CDH23: variants seen among roughly 807,000 people sequenced by gnomAD.
CDH23 encodes cadherin related 23, also known as cadherin-23.
A neutral mutation model predicts 317.1 loss-of-function variants in CDH23; 189 were observed. That is an observed-to-expected ratio of 0.60 (90% CI 0.53 to 0.67). The LOEUF (loss-of-function observed/expected upper bound fraction) is 0.67. Among genes scored for constraint, CDH23 ranks in the 30% least tolerant of loss-of-function variants. The pLI is 0.00. For synonymous variants in CDH23, 1,839 were observed against 1,876.8 expected (o/e 0.98, Z 0.52); for missense variants, 4,401 against 4,592.4 (o/e 0.96, Z 1.20).
At position 71,773,463 on chromosome 10, in the gene CDH23, A is replaced by T. The variant is rs190144328; in HGVS notation, c.4846-4217A>T. On this transcript the variant is annotated intron_variant, in intron 38 of 69. Coordinates refer to ENST00000224721, the MANE Select transcript of CDH23 (RefSeq NM_022124.6). The stretch of plus-strand genomic sequence containing the variant: ...ATGTCGCCGTCGGACGCGCAGAGGA[A>T]CTTCTGGTGCCGGGGAGCGGGCGGG... 410 of 1,574,470 alleles carry T rather than the reference A, an allele frequency of 2.6e-4. 3 individuals are homozygous for T. The South Asian group carries it at 4.5e-3, about 17-fold the overall frequency.
At chr10:71,637,225 G>A (rs527524279) in intron 11 of CDH23, among the ~76,000 whole-genome samples, 53 of 152,248 alleles carry the variant, frequency 3.5e-4, no homozygotes, top group Non-Finnish European at 6.3e-4. Context: ...AAGTACAGCC[G>A]AGGAAGGAGG....
chr10:71,599,671 G>T (rs1860090961), intron 9 of CDH23, among the ~76,000 whole-genome samples: 1 of 152,126 alleles, frequency 6.6e-6, no homozygotes, highest in African/African-American at 2.4e-5. Context: ...TTTTATGTGT[G>T]GTCCCCAAAG....
Position 71,806,168 on chromosome 10 carries a change from C to G in CDH23, c.8065C>G (p.Leu2689Val). 6.4e-7 allele frequency: 1 copy of G among 1,560,516 alleles called. No homozygotes were observed. Among genetic ancestry groups the G allele is most frequent in the Non-Finnish European group, 8.7e-7 (1 of 1,152,646 alleles). The change falls in exon 57 of 70, where the codon CTC (leucine) becomes GTC (valine). Residue 2689 changes from leucine (L) to valine (V), a missense_variant and splice_region_variant. Leu to Val is a conservative substitution (Grantham distance 32). Coordinates refer to ENST00000224721, the MANE Select transcript of CDH23 (RefSeq NM_022124.6). The part of the protein sequence containing the change: ...LDRESQAVYS[L>V]ILVASDLGQP... ...TCTGACTGTGCTCTTCCGCTCCTAG[C>G]TCATCTTGGTGGCCAGCGACCTGGG...
At chr10:71,525,001 G>T (rs1854947395) in intron 6 of CDH23, among the ~76,000 whole-genome samples, 1 of 152,188 alleles carries the variant, frequency 6.6e-6, no homozygotes. Context: ...TCTGCCTCTT[G>T]GGTTCAAGTG....
chr10:71,582,279 C>G (rs964105199), intron 9 of CDH23, among the ~76,000 whole-genome samples: 5 of 152,154 alleles, frequency 3.3e-5, no homozygotes, highest in Non-Finnish European at 5.9e-5. Context: ...AGCTACTGGG[C>G]ACTTGAAGTG....
At chr10:71,528,617 C>T (rs921907780) in intron 6 of CDH23, among the ~76,000 whole-genome samples, 1 of 152,224 alleles carries the variant, frequency 6.6e-6, no homozygotes, top group African/African-American at 2.4e-5. Context: ...GCGACCAGCG[C>T]GATAGGAGTG....
rs77865133 is a variant in CDH23, at chr10:71,559,855, C to G, written c.430-6887C>G. ...AGAGATGTCGTCAAATTATCGCTCCCCGATTCCTCCAGGCAGAGATGCCGG... is the reference window on the plus strand; with the variant it reads ...AGAGATGTCGTCAAATTATCGCTCCGCGATTCCTCCAGGCAGAGATGCCGG... On this transcript the variant is annotated intron_variant, in intron 6 of 69. Transcript: ENST00000224721. 5.0e-3 allele frequency among the ~76,000 whole-genome samples: 768 copies of G among 152,354 alleles called. 6 individuals carry two copies. Among genetic ancestry groups the G allele is most frequent in the South Asian group, 5.8e-3 (28 of 4,828 alleles).
At chr10:71,641,875 T>C (rs1211313177) in intron 11 of CDH23, among the ~76,000 whole-genome samples, 1 of 152,144 alleles carries the variant, frequency 6.6e-6, no homozygotes, top group African/African-American at 2.4e-5. Flanking sequence ...GGTCAGGAGT[T>C]TGAGACCAGC....
At chr10:71,638,822 G>A (rs981236877) in intron 11 of CDH23, among the ~76,000 whole-genome samples, 1 of 152,216 alleles carries the variant, frequency 6.6e-6, no homozygotes, top group African/African-American at 2.4e-5. Context: ...AGAGAGACTA[G>A]GAGGGAGCAG....
chr10:71,645,498 T>C, intron 12 of CDH23: 1 of 467,478 alleles, frequency 2.1e-6, no homozygotes, highest in South Asian at 1.7e-5. Context: ...GTCTTGCAGC[T>C]GGCCGGTCCC....
chr10:71,594,750 C>T (rs1209384530), intron 9 of CDH23, among the ~76,000 whole-genome samples: 1 of 152,106 alleles, frequency 6.6e-6, no homozygotes, highest in East Asian at 1.9e-4. Flanking sequence ...TTCACTATAG[C>T]CCTTTGAAAG....
intron 50 of CDH23, 87 bp from the exon 51 acceptor site, chr10:71,799,024 C>T (rs1451060494): frequency 1.7e-5 from 22 of 1,314,072 alleles, no homozygotes; most frequent in East Asian, 4.7e-5. Flanking sequence ...AGCTGCCCCT[C>T]GGAGTCCAGG....
At chr10:71,456,422 T>C (rs1850700321) in intron 3 of CDH23, among the ~76,000 whole-genome samples, 1 of 150,966 alleles carries the variant, frequency 6.6e-6, no homozygotes, top group African/African-American at 2.5e-5. Flanking sequence ...ACAGACTGTG[T>C]CTTCTTGGGG....
At position 71,812,822 on chromosome 10, in the gene CDH23, C is replaced by G. The variant is rs121908353; in HGVS notation, c.9565C>G (p.Arg3189Gly). 5 of 1,613,460 alleles carry G rather than the reference C, an allele frequency of 3.1e-6. No individual in the cohort carries two copies. The South Asian group carries it at 5.5e-5, about 18-fold the overall frequency. ...CAAGCCTGATGATGACCGATACCTG[C>G]GGGCTGCCATCCAGGAGTATGACAA... ...AVKPDDDRYL[R>G]AAIQEYDNIA... The change falls in exon 68 of 70, where the codon CGG becomes GGG. Residue 3189 changes from arginine (R) to glycine (G), a missense_variant. Transcript: ENST00000224721.
Position 71,751,194 on chromosome 10 carries a change from C to G in CDH23, c.4845+9273C>G, listed in dbSNP as rs376722288. Reference sequence around the variant, plus strand: ...AAGGAGGCCACTCACAGAGCCAGCCCTGGCTCAAATGCACCTGCCCCAGAC... The same window carrying G: ...AAGGAGGCCACTCACAGAGCCAGCCGTGGCTCAAATGCACCTGCCCCAGAC... On this transcript the variant is annotated intron_variant, in intron 38 of 69. Coordinates refer to ENST00000224721, the MANE Select transcript of CDH23 (RefSeq NM_022124.6). This position sits in a 1 kb window ranked among gnomAD's most constrained non-coding sequence, Gnocchi z 4.9. The G allele has an allele frequency of 4.9e-5, 77 of 1,570,888 alleles. No homozygotes were observed. In the African/African-American group the frequency reaches 9.7e-4, roughly 20 times the overall value.
intron 9 of CDH23, among the ~76,000 whole-genome samples, chr10:71,586,483 T>C (rs1859072165): frequency 6.6e-6 from 1 of 152,128 alleles, no homozygotes; most frequent in Admixed American, 6.5e-5. Context: ...TGTAGCTCTC[T>C]TTTGTTTCAT....
rs1839988395 is a variant in CDH23 at position 71,751,200 on chromosome 10, C to T, written c.4845+9279C>T. On this transcript the variant is annotated intron_variant, in intron 38 of 69. Transcript: ENST00000224721. This position sits in a 1 kb window ranked among gnomAD's most constrained non-coding sequence, Gnocchi z 4.9. ...GCCACTCACAGAGCCAGCCCTGGCT[C>T]AAATGCACCTGCCCCAGACCCAGCC... 1 of 1,579,984 alleles carries T rather than the reference C, an allele frequency of 6.3e-7. No homozygotes were observed.
chr10:71,736,255 G>A (rs1343837801), intron 34 of CDH23, among the ~76,000 whole-genome samples: 1 of 152,236 alleles, frequency 6.6e-6, no homozygotes, highest in Non-Finnish European at 1.5e-5. Flanking sequence ...GCTCCCAGGG[G>A]CCGCTGCCCC....
intron 3 of CDH23, among the ~76,000 whole-genome samples, chr10:71,499,446 G>C (rs113196968): frequency 1.3e-5 from 2 of 151,946 alleles, no homozygotes; most frequent in Admixed American, 6.6e-5. Context: ...CTTGTAATCC[G>C]AGCTACTTGG....
Sources: gnomAD v4.1 joint callset for allele counts (sites outside exome capture counted in the v4.1 genomes callset) on GRCh38, gnomAD v4.1.1 for gene constraint, Gnocchi (gnomAD v3.1) non-coding constraint, MANE v1.5 for transcripts, NCBI Gene and HGNC (gene_info 2026-07-23, HGNC 2026-07-21) for gene names.